Variants in PPIL6 observed in about 807,000 individuals in gnomAD.
PPIL6 encodes peptidylprolyl isomerase like 6.
PPIL6 carries 39 observed loss-of-function variants against 36.8 expected under a neutral mutation model. The ratio of observed to expected loss-of-function variants is 1.06; its 90% CI spans 0.82 to 1.38. The LOEUF (loss-of-function observed/expected upper bound fraction) is 1.38, where lower values mean the gene tolerates loss of function less well. Among genes scored for constraint, PPIL6 ranks in the 40% most tolerant of loss-of-function variants. The probability of loss-of-function intolerance (pLI) is 0.00; values close to 1 mark genes in which losing one functional copy is unlikely to be tolerated. For synonymous variants in PPIL6, 123 were observed against 134.1 expected, an observed-to-expected ratio of 0.92 and a Z score of 0.57; for missense variants, 368 against 379.1, an observed-to-expected ratio of 0.97 and a Z score of 0.24.
At chr6:109,396,563 A>G (rs1209821641) in intron 7 of PPIL6, among the ~76,000 whole-genome samples, 1 of 152,068 alleles carries the variant, frequency 6.6e-6, no homozygotes, top group East Asian at 1.9e-4. Flanking sequence ...ACTCATTGTG[A>G]TTTCTAGCTT....
intron 5 of PPIL6, among the ~76,000 whole-genome samples, chr6:109,424,266 G>A (rs781254301): frequency 1.3e-5 from 2 of 152,130 alleles, no homozygotes; most frequent in African/African-American, 2.4e-5. Flanking sequence ...CAGGCTGGGC[G>A]GTATGTGCCC....
chr6:109,392,283 C>A lies in PPIL6; in HGVS notation c.*543G>T, dbSNP rs1772125114. ...CTCCCGGGTTCAAGAGATTCTTCTG[C>A]CTCAGCTTCCCAAGTAGCTGGGACT... On this transcript the variant is annotated 3_prime_UTR_variant, in exon 8 of 8. Transcript: ENST00000521072. The A allele has an allele frequency of 6.6e-6, 1 of 152,478 alleles. No individual in the cohort carries two copies. Among genetic ancestry groups the A allele is most frequent in the South Asian group, 2.1e-4 (1 of 4,840 alleles). The allele number at this position is 152,478 out of a possible 1,614,324, so 9.4% of individuals were successfully genotyped here. A position where few individuals can be genotyped will look rare whatever the true frequency, so the allele number is the denominator to read the frequency against.
chr6:109,406,031 TTTTTTGG>T (rs898994938), intron 6 of PPIL6, among the ~76,000 whole-genome samples: 9 of 145,652 alleles, frequency 6.2e-5, no homozygotes, highest in African/African-American at 2.3e-4. Flanking sequence ...AAGTGTAGAT[TTTTTTGG>T]TTTGTGTTTT....
chr6:109,432,824 G>A (rs187512637), intron 2 of PPIL6, among the ~76,000 whole-genome samples: 69 of 152,106 alleles, frequency 4.5e-4, no homozygotes, highest in Non-Finnish European at 5.6e-4. Context: ...ACTGCACTTG[G>A]GAGAAACACT....
At chr6:109,435,099 A>G (rs1274253255) in intron 2 of PPIL6, among the ~76,000 whole-genome samples, 1 of 152,112 alleles carries the variant, frequency 6.6e-6, no homozygotes, top group Non-Finnish European at 1.5e-5. Context: ...TGTCTCTGTG[A>G]TGTACACCAT....
intron 5 of PPIL6, among the ~76,000 whole-genome samples, chr6:109,425,143 T>C (rs943123576): frequency 2.6e-5 from 4 of 152,198 alleles, no homozygotes; most frequent in African/African-American, 9.6e-5. Context: ...CCACATCCTG[T>C]GATATTCTTA....
intron 5 of PPIL6, among the ~76,000 whole-genome samples, chr6:109,421,133 T>C (rs1211838234): frequency 2.0e-5 from 3 of 152,192 alleles, no homozygotes; most frequent in African/African-American, 7.2e-5. Context: ...TCACATTCCC[T>C]TGCCCCCTCC....
rs546940563 is a variant in PPIL6, at chr6:109,412,819, G to A, written c.688+6368C>T. Among the ~76,000 whole-genome samples the A allele has an allele frequency of 3.3e-5, 5 of 152,214 alleles. 1 individual carries two copies. The South Asian group carries it at 1.0e-3, about 32-fold the overall frequency. On this transcript the variant is annotated intron_variant, in intron 6 of 7. Coordinates refer to ENST00000521072, the MANE Select transcript of PPIL6 (RefSeq NM_173672.5). ...CATCGAGGAAACTCTCTGGACAAAT[G>A]GGATCATATCAAGTTAAAAAGATTC...
chr6:109,434,765 C>T (rs1198227881), intron 2 of PPIL6, among the ~76,000 whole-genome samples: 1 of 152,130 alleles, frequency 6.6e-6, no homozygotes, highest in Non-Finnish European at 1.5e-5. Flanking sequence ...GAAACTAGGA[C>T]TGGGACCATC....
chr6:109,424,739 T>A (rs1773727933), intron 5 of PPIL6, among the ~76,000 whole-genome samples: 1 of 152,206 alleles, frequency 6.6e-6, no homozygotes, highest in Non-Finnish European at 1.5e-5. Context: ...AAGATGGCGA[T>A]GAGAGTGACC....
intron 5 of PPIL6, among the ~76,000 whole-genome samples, chr6:109,423,193 C>A (rs1013259661): frequency 2.0e-5 from 3 of 151,954 alleles, no homozygotes; most frequent in African/African-American, 7.3e-5. Context: ...ATGGTGAAAC[C>A]CCATCTCTAC....
Position 109,440,546 on chromosome 6 carries a change from G to GCCGCACCTAGCGTGCGGGGGC in PPIL6, c.24_44dup (p.Pro9_Gly15dup). The GCCGCACCTAGCGTGCGGGGGC allele has an allele frequency of 6.7e-7, 1 of 1,487,530 alleles. No homozygotes were observed. Among genetic ancestry groups the GCCGCACCTAGCGTGCGGGGGC allele is most frequent in the Non-Finnish European group, 8.9e-7 (1 of 1,120,846 alleles). The allele number at this position is 1,487,530 out of a possible 1,614,324, so 92.1% of individuals were successfully genotyped here. A position where few individuals can be genotyped will look rare whatever the true frequency, so the allele number is the denominator to read the frequency against. On this transcript the variant is annotated inframe_insertion, in exon 1 of 8. Transcript: ENST00000521072. ...GCGGCCGCTCCGGCAGCGACGGCGA[G>GCCGCACCTAGCGTGCGGGGGC]CCGCACCTAGCGTGCGGGGGCCCGC...
intron 7 of PPIL6, among the ~76,000 whole-genome samples, chr6:109,393,491 G>T (rs1260204298): frequency 6.6e-6 from 1 of 152,140 alleles, no homozygotes; most frequent in African/African-American, 2.4e-5. Context: ...CTCCCAAAGT[G>T]CTGGGATTAT....
intron 1 of PPIL6, among the ~76,000 whole-genome samples, chr6:109,437,607 T>A (rs1774523735): frequency 7.0e-6 from 1 of 141,860 alleles, no homozygotes. Flanking sequence ...CAGGATGGAG[T>A]GCAGCGGTGT....
chr6:109,435,294 C>A (rs1438305342), intron 2 of PPIL6, among the ~76,000 whole-genome samples: 2 of 149,320 alleles, frequency 1.3e-5, no homozygotes, highest in African/African-American at 2.5e-5. Context: ...GTAAATGTTG[C>A]ACTTTTTTTT....
chr6:109,398,932 AT>A (rs1384184669), intron 7 of PPIL6, among the ~76,000 whole-genome samples: 1 of 151,892 alleles, frequency 6.6e-6, no homozygotes, highest in Non-Finnish European at 1.5e-5. Flanking sequence ...TTCTGTTTTT[AT>A]TTTTTTATTT....
intron 7 of PPIL6, among the ~76,000 whole-genome samples, chr6:109,393,252 CTG>C (rs1772164206): frequency 6.6e-6 from 1 of 151,180 alleles, no homozygotes. Flanking sequence ...GGGTCTCACT[CTG>C]TTGCCCAGGC....
intron 5 of PPIL6, among the ~76,000 whole-genome samples, chr6:109,420,550 C>G (rs1317967328): frequency 6.6e-6 from 1 of 152,034 alleles, no homozygotes; most frequent in Non-Finnish European, 1.5e-5. Flanking sequence ...TAAAAAGACT[C>G]CATGAACAAG....
At chr6:109,398,425 G>A (rs959550789) in intron 7 of PPIL6, among the ~76,000 whole-genome samples, 1 of 152,172 alleles carries the variant, frequency 6.6e-6, no homozygotes, top group African/African-American at 2.4e-5. Flanking sequence ...GACATTCCAG[G>A]TGCTGGAGAG....
Sources: allele counts gnomAD v4.1 joint callset (sites outside exome capture counted in the v4.1 genomes callset), GRCh38; gene constraint gnomAD v4.1.1; transcripts MANE v1.5; gene names NCBI Gene and HGNC (gene_info 2026-07-23, HGNC 2026-07-21).